Variants in ATP6V1B1 observed in about 807,000 individuals in gnomAD.
The protein encoded by ATP6V1B1 is ATPase H+ transporting V1 subunit B1.
Under a neutral mutation model 62.1 loss-of-function variants are expected in ATP6V1B1, and 41 were observed. That is an observed-to-expected ratio of 0.66 (90% CI 0.51 to 0.86). ATP6V1B1 has a LOEUF of 0.86. Ranked by LOEUF, ATP6V1B1 falls within the 40% of genes least tolerant of loss-of-function variation. The pLI is 0.00. For synonymous variants in ATP6V1B1, 253 were observed against 273.4 expected, an observed-to-expected ratio of 0.93 and a Z score of 0.74; for missense variants, 651 against 697.5, an observed-to-expected ratio of 0.93 and a Z score of 0.75.
chr2:70,938,495 TGGA>T, intron 1 of ATP6V1B1: 1 of 960,540 alleles, frequency 1.0e-6, no homozygotes, highest in East Asian at 1.2e-4. Flanking sequence ...TGGGCCACGG[TGGA>T]GGTGAGTCCA....
At position 70,948,240 on chromosome 2, in the gene ATP6V1B1, CT is replaced by C. The variant is rs61680005; in HGVS notation, c.174+4538del. 5.7e-3 allele frequency: 864 copies of C among 151,640 alleles called. 7 individuals are homozygous for C. The highest frequency in any genetic ancestry group is 0.018 in the African/African-American group (733 of 41,150). 9.4% of individuals were successfully genotyped at this position (151,640 alleles called of 1,614,324 possible). On this transcript the variant is annotated intron_variant, in intron 2 of 13. Transcript: ENST00000234396. ...ACATAAACTCACATGAAAATGATCACTTTTTTTTTTTCTTTTTGAGACGGAG... is the reference window on the plus strand; with the variant it reads ...ACATAAACTCACATGAAAATGATCACTTTTTTTTTTCTTTTTGAGACGGAG...
Position 70,961,636 on chromosome 2 carries a change from A to G in ATP6V1B1, c.728A>G (p.Glu243Gly), listed in dbSNP as rs782137610. Residue 243 changes from glutamate to glycine, a missense_variant, in exon 8 of 14, where the codon GAG becomes GGG. Glu to Gly is a moderately conservative substitution (Grantham distance 98). Transcript: ENST00000234396. ...GCCAGATTCTTCAAGTCTGACTTTG[A>G]GCAGAATGGAACCATGGGGAACGTC... is the stretch of plus-strand genomic sequence containing the variant. Reference protein sequence around the residue: ...ETARFFKSDFEQNGTMGNVCL... With the variant: ...ETARFFKSDFGQNGTMGNVCL... 1 of 1,614,220 alleles carries G rather than the reference A, an allele frequency of 6.2e-7. No homozygotes were observed. Among genetic ancestry groups the G allele is most frequent in the Non-Finnish European group, 8.5e-7 (1 of 1,180,036 alleles).
intron 2 of ATP6V1B1, 41 bp downstream of exon 2, chr2:70,943,754 C>G (rs782536805): frequency 3.7e-6 from 6 of 1,609,046 alleles, no homozygotes; most frequent in Non-Finnish European, 5.1e-6. Flanking sequence ...AAGGCCAAAT[C>G]CCAGGGCGCC....
At chr2:70,956,796 C>T (rs1170371034) in intron 2 of ATP6V1B1, among the ~76,000 whole-genome samples, 1 of 151,948 alleles carries the variant, frequency 6.6e-6, no homozygotes, top group Non-Finnish European at 1.5e-5. Context: ...CACCATGTTC[C>T]CCAGGCTGAT....
Position 70,959,491 on chromosome 2 carries a change from G to A in ATP6V1B1, c.445+396G>A, listed in dbSNP as rs1289821564. ...TGTGGGAGCCCGTGGCTTGCCCTAC[G>A]CCACACAGAAAGTCAGTGGCAGAGC... On this transcript the variant is annotated intron_variant, in intron 5 of 13. Coordinates refer to ENST00000234396, the MANE Select transcript of ATP6V1B1 (RefSeq NM_001692.4). The surrounding 1 kb of genome is among the most constrained non-coding windows in gnomAD (Gnocchi z 4.2). 6.6e-6 allele frequency among the ~76,000 whole-genome samples: 1 copy of A among 152,184 alleles called. No individual in the cohort carries two copies. Among genetic ancestry groups the A allele is most frequent in the Admixed American group, 6.5e-5 (1 of 15,280 alleles).
At chr2:70,937,875 C>T (rs1238398095) in intron 1 of ATP6V1B1, among the ~76,000 whole-genome samples, 4 of 152,112 alleles carry the variant, frequency 2.6e-5, no homozygotes, top group African/African-American at 7.2e-5. Context: ...TATGTATAGT[C>T]AACATGCCCT....
chr2:70,963,961 A>G lies in ATP6V1B1; in HGVS notation c.1143+307A>G. On this transcript the variant is annotated intron_variant, in intron 11 of 13. Coordinates refer to ENST00000234396, the MANE Select transcript of ATP6V1B1 (RefSeq NM_001692.4). This position sits in a 1 kb window ranked among gnomAD's most constrained non-coding sequence, Gnocchi z 4.3. ...GTGGAGGATAAAAATAAGTTGGCATATAGAAAGCATCTGGCAGATAGTCAA... is the reference window on the plus strand; with the variant it reads ...GTGGAGGATAAAAATAAGTTGGCATGTAGAAAGCATCTGGCAGATAGTCAA... 2.0e-6 allele frequency: 1 copy of G among 499,058 alleles called. No individual in the cohort carries two copies. Among genetic ancestry groups the G allele is most frequent in the South Asian group, 2.1e-5 (1 of 48,556 alleles). 30.9% of individuals were successfully genotyped at this position (499,058 alleles called of 1,614,324 possible).
Position 70,965,004 on chromosome 2 carries a change from G to T in ATP6V1B1, c.1425G>T (p.Trp475Cys). The T allele has an allele frequency of 6.2e-7, 1 of 1,613,870 alleles. No individual in the cohort carries two copies. Residue 475 changes from tryptophan (W) to cysteine (C), a missense_variant, in exon 14 of 14, where the codon TGG becomes TGT. Trp to Cys is a radical substitution (Grantham distance 215). Coordinates refer to ENST00000234396, the MANE Select transcript of ATP6V1B1 (RefSeq NM_001692.4). ...RSVFESLDLG[W>C]KLLRIFPKEM... ...TGTTCGAGTCGCTGGACCTGGGCTG[G>T]AAGCTGCTGCGCATCTTCCCCAAGG...
chr2:70,948,379 C>G (rs1440761459), intron 2 of ATP6V1B1: 1 of 150,484 alleles, frequency 6.6e-6, no homozygotes, highest in Non-Finnish European at 1.5e-5. Flanking sequence ...GCTAGGACTA[C>G]AGAAAATGAT....
At chr2:70,948,611 C>G (rs1194394121) in intron 2 of ATP6V1B1, 1 of 152,680 alleles carries the variant, frequency 6.5e-6, no homozygotes, top group Non-Finnish European at 1.5e-5. Flanking sequence ...CCTCGCTGTC[C>G]GTGCTCCTGG....
intron 2 of ATP6V1B1, among the ~76,000 whole-genome samples, chr2:70,954,762 C>A (rs1161806704): frequency 1.3e-5 from 2 of 152,050 alleles, no homozygotes; most frequent in African/African-American, 4.8e-5. Context: ...GGATTACAGG[C>A]GTGAGCCACT....
intron 2 of ATP6V1B1, chr2:70,957,680 T>G: frequency 2.8e-6 from 1 of 351,456 alleles, no homozygotes; most frequent in South Asian, 2.2e-5. Flanking sequence ...ATTTCCTCCC[T>G]GCAGCAGCCG....
rs55871344 is a variant in ATP6V1B1, at chr2:70,950,932, A to ATTTTTTTTT, written c.175-7095_175-7087dup. On this transcript the variant is annotated intron_variant, in intron 2 of 13. Transcript: ENST00000234396. ...ACTGTGTGTGCATAATTTTTTCCTG[A>ATTTTTTTTT]TTTTTTTTTTTTTTTTTTTTTTTTT... Among the ~76,000 whole-genome samples, 37 of 64,622 alleles carry ATTTTTTTTT rather than the reference A, an allele frequency of 5.7e-4. 5 individuals are homozygous for ATTTTTTTTT. Among genetic ancestry groups the ATTTTTTTTT allele is most frequent in the African/African-American group, 2.1e-3 (33 of 15,676 alleles). 42.4% of individuals were successfully genotyped at this position (64,622 alleles called of 152,430 possible). A position where few individuals can be genotyped will look rare whatever the true frequency, so the allele number is the denominator to read the frequency against.
intron 1 of ATP6V1B1, chr2:70,940,622 C>T (rs1447372510): frequency 3.0e-6 from 3 of 985,320 alleles, no homozygotes; most frequent in Non-Finnish European, 3.6e-6. Context: ...GTCTCCTACC[C>T]TTTCTCGTTG....
intron 2 of ATP6V1B1, among the ~76,000 whole-genome samples, chr2:70,946,306 C>CA (rs1291231153): frequency 6.6e-6 from 1 of 152,206 alleles, no homozygotes; most frequent in Non-Finnish European, 1.5e-5. Flanking sequence ...AGGGACGCCC[C>CA]AGGAGGAAGT....
intron 2 of ATP6V1B1, among the ~76,000 whole-genome samples, chr2:70,949,266 C>T (rs782408084): frequency 6.6e-6 from 1 of 152,146 alleles, no homozygotes; most frequent in Non-Finnish European, 1.5e-5. Flanking sequence ...ACATTTTACG[C>T]ATTCTTTTGG....
In ATP6V1B1 at chr2:70,944,490, C is replaced by T. The variant is rs539562295; in HGVS notation, c.174+777C>T. Reference sequence around the variant, plus strand: ...GACCCCTCTTGTCCCAGACCCCACACCTGCCAGCGCCCATGTCTGTAGCTC... The same window carrying T: ...GACCCCTCTTGTCCCAGACCCCACATCTGCCAGCGCCCATGTCTGTAGCTC... On this transcript the variant is annotated intron_variant, in intron 2 of 13. Coordinates refer to ENST00000234396, the MANE Select transcript of ATP6V1B1 (RefSeq NM_001692.4). 1.5e-4 allele frequency among the ~76,000 whole-genome samples: 23 copies of T among 151,956 alleles called. 1 individual carries two copies. The South Asian group carries it at 4.8e-3, about 32-fold the overall frequency.
intron 1 of ATP6V1B1, among the ~76,000 whole-genome samples, chr2:70,936,466 T>A (rs1679855548): frequency 6.6e-6 from 1 of 152,034 alleles, no homozygotes; most frequent in Admixed American, 6.6e-5. Context: ...CGGGGTGTGA[T>A]TAAGTGTACT....
At chr2:70,946,116 C>A (rs1159217136) in intron 2 of ATP6V1B1, among the ~76,000 whole-genome samples, 1 of 152,060 alleles carries the variant, frequency 6.6e-6, no homozygotes, top group Non-Finnish European at 1.5e-5. Flanking sequence ...AGGTGCTCAG[C>A]ATGTTTGCTC....
Sources: gnomAD v4.1 joint callset for allele counts (sites outside exome capture counted in the v4.1 genomes callset) on GRCh38, gnomAD v4.1.1 for gene constraint, Gnocchi (gnomAD v3.1) non-coding constraint, MANE v1.5 for transcripts, NCBI Gene and HGNC (gene_info 2026-07-23, HGNC 2026-07-21) for gene names.